FOXK1: variants seen among roughly 807,000 people sequenced by gnomAD.
FOXK1 encodes forkhead box protein K1.
Under a neutral mutation model 51.9 loss-of-function variants are expected in FOXK1, and 19 were observed. That is an observed-to-expected ratio of 0.37 (90% CI 0.26 to 0.54). The LOEUF (loss-of-function observed/expected upper bound fraction) is 0.54. Ranked by LOEUF, FOXK1 falls within the 20% of genes least tolerant of loss-of-function variation. FOXK1 has a pLI of 0.87. For synonymous variants in FOXK1, 537 were observed against 482.6 expected (o/e 1.11, Z -1.48); for missense variants, 870 against 1,032.7 (o/e 0.84, Z 2.16).
Position 4,749,937 on chromosome 7 carries a change from C to T in FOXK1, c.747-4522C>T, listed in dbSNP as rs1780753529. Among the ~76,000 whole-genome samples, 1 of 152,248 alleles carries T rather than the reference C, an allele frequency of 6.6e-6. No homozygotes were observed. Among genetic ancestry groups the T allele is most frequent in the South Asian group, 2.1e-4 (1 of 4,832 alleles). On this transcript the variant is annotated intron_variant, in intron 2 of 8. Coordinates refer to ENST00000328914, the MANE Select transcript of FOXK1 (RefSeq NM_001037165.2). The surrounding 1 kb of genome is among the most constrained non-coding windows in gnomAD (Gnocchi z 6.0). ...TCCGTCCCTCTGCAGTCTCCCTGCA[C>T]TGGCATGTCCTGGGTGGTCCCAGTG...
At chr7:4,727,396 A>G (rs1039540837) in intron 1 of FOXK1, among the ~76,000 whole-genome samples, 19 of 151,704 alleles carry the variant, frequency 1.3e-4, no homozygotes, top group Admixed American at 3.3e-4. Context: ...GCTCATTGCA[A>G]CCTTCGCCTC....
chr7:4,713,499 TG>T (rs910946024), intron 1 of FOXK1, among the ~76,000 whole-genome samples: 1 of 146,144 alleles, frequency 6.8e-6, no homozygotes, highest in Non-Finnish European at 1.5e-5. Flanking sequence ...TTTTTTTTTT[TG>T]TTTTTTTTTT....
At chr7:4,691,749 A>G (rs1779893930) in intron 1 of FOXK1, among the ~76,000 whole-genome samples, 1 of 152,152 alleles carries the variant, frequency 6.6e-6, no homozygotes, top group Admixed American at 6.6e-5. Flanking sequence ...GAGGACGCTG[A>G]GCTCTGATCA....
chr7:4,736,737 A>G (rs932576659), intron 1 of FOXK1, among the ~76,000 whole-genome samples: 4 of 152,214 alleles, frequency 2.6e-5, no homozygotes, highest in African/African-American at 9.6e-5. Flanking sequence ...TGAACTGGAA[A>G]GCACCTTTGA....
At chr7:4,684,595 C>G (rs1483717932) in intron 1 of FOXK1, among the ~76,000 whole-genome samples, 1 of 152,156 alleles carries the variant, frequency 6.6e-6, no homozygotes, top group South Asian at 2.1e-4. Context: ...ACACTCTCTC[C>G]GTTTGGGGCC....
At position 4,762,299 on chromosome 7, in the gene FOXK1, G is replaced by A. The variant is rs111856572; in HGVS notation, c.2037G>A (p.Thr679=). 60 of 1,550,190 alleles carry A rather than the reference G, an allele frequency of 3.9e-5. No homozygotes were observed. Among genetic ancestry groups the A allele is most frequent in the African/African-American group, 1.6e-4 (12 of 73,010 alleles). ...AGCCAGCAGCAGCCGTCGCGGCCAC[G>A]GCCACCACCACCCCAGCCACTGCCA... ...PKEPAAAVAA[T]ATTTPATATT... The change falls in exon 9 of 9, where the codon ACG becomes ACA. Residue 679 remains threonine (T), a synonymous_variant. Coordinates refer to ENST00000328914, the MANE Select transcript of FOXK1 (RefSeq NM_001037165.2). The surrounding 1 kb of genome is among the most constrained non-coding windows in gnomAD (Gnocchi z 5.7).
chr7:4,699,041 C>T (rs184697759), intron 1 of FOXK1, among the ~76,000 whole-genome samples: 1 of 152,348 alleles, frequency 6.6e-6, no homozygotes, highest in East Asian at 1.9e-4. Flanking sequence ...TGCTTTGTCG[C>T]TTGCTGGGGC....
In FOXK1 at chr7:4,711,069, A is replaced by T. The variant is rs900531379; in HGVS notation, c.560+28201A>T. On this transcript the variant is annotated intron_variant, in intron 1 of 8. Transcript: ENST00000328914. This position sits in a 1 kb window ranked among gnomAD's most constrained non-coding sequence, Gnocchi z 6.3. ...GAACGCTTAGAGAAGATGGAGATGG[A>T]TGGAGACGGCTGTCCATCAGCTGTG... Among the ~76,000 whole-genome samples, 6 of 152,156 alleles carry T rather than the reference A, an allele frequency of 3.9e-5. No individual in the cohort carries two copies. The highest frequency in any genetic ancestry group is 1.4e-4 in the African/African-American group (6 of 41,440).
chr7:4,687,800 T>C (rs1053404845), intron 1 of FOXK1, among the ~76,000 whole-genome samples: 1 of 152,248 alleles, frequency 6.6e-6, no homozygotes, highest in Non-Finnish European at 1.5e-5. Context: ...CTGTTTGTGG[T>C]AACTTTGAGT....
At chr7:4,720,829 C>T (rs1311486032) in intron 1 of FOXK1, among the ~76,000 whole-genome samples, 1 of 151,822 alleles carries the variant, frequency 6.6e-6, no homozygotes, top group Non-Finnish European at 1.5e-5. Flanking sequence ...AGCGATTCTC[C>T]TGCCTCAGCC....
At chr7:4,759,262 TC>T (rs766226492) in intron 6 of FOXK1, 45 bp downstream of exon 6, 1 of 1,606,458 alleles carries the variant, frequency 6.2e-7, no homozygotes. Context: ...GGGGCGGGAC[TC>T]GTGGGGGTGC....
At chr7:4,717,682 G>A (rs978569701) in intron 1 of FOXK1, among the ~76,000 whole-genome samples, 4 of 152,128 alleles carry the variant, frequency 2.6e-5, no homozygotes, top group South Asian at 2.1e-4. Context: ...CTCACTGCCC[G>A]CCTGGTCCTG....
At position 4,703,582 on chromosome 7, in the gene FOXK1, G is replaced by T. The variant is rs970765794; in HGVS notation, c.560+20714G>T. Among the ~76,000 whole-genome samples the T allele has an allele frequency of 1.3e-5, 2 of 152,232 alleles. No individual in the cohort carries two copies. Among genetic ancestry groups the T allele is most frequent in the African/African-American group, 4.8e-5 (2 of 41,464 alleles). The stretch of plus-strand genomic sequence containing the variant: ...CTTGGGTACATTTTGCTCATCTTAG[G>T]GTTGGGGACAGAACATCATTAAGAA... On this transcript the variant is annotated intron_variant, in intron 1 of 8. Transcript: ENST00000328914. The surrounding 1 kb of genome is among the most constrained non-coding windows in gnomAD (Gnocchi z 5.6).
At position 4,753,118 on chromosome 7, in the gene FOXK1, G is replaced by A. The variant is rs117738251; in HGVS notation, c.747-1341G>A. On this transcript the variant is annotated intron_variant, in intron 2 of 8. Coordinates refer to ENST00000328914, the MANE Select transcript of FOXK1 (RefSeq NM_001037165.2). This position sits in a 1 kb window ranked among gnomAD's most constrained non-coding sequence, Gnocchi z 4.9. ...GAGAGAATGGGAATTCCAGATCAGA[G>A]TCCTTAACGTTCCATGTGGGTGACA... Among the ~76,000 whole-genome samples the A allele has an allele frequency of 5.2e-4, 79 of 152,292 alleles. 1 individual carries two copies. The East Asian group carries it at 0.01, about 20-fold the overall frequency.
chr7:4,721,277 T>C (rs545108500), intron 1 of FOXK1, among the ~76,000 whole-genome samples: 192 of 152,250 alleles, frequency 1.3e-3, no homozygotes, highest in African/African-American at 4.5e-3. Context: ...ACAGGGGCCT[T>C]GGAAACCCCC....
rs1173559488 is a variant in FOXK1, at chr7:4,747,689, C to CCA, written c.746+6674_746+6675dup. 2.0e-5 allele frequency among the ~76,000 whole-genome samples: 3 copies of CCA among 151,474 alleles called. No homozygotes were observed. Among genetic ancestry groups the CCA allele is most frequent in the Non-Finnish European group, 4.4e-5 (3 of 67,916 alleles). ...TAGCTAGGACTACAGGCACCCACCA[C>CCA]CACACACACCCAGCTCATTTTTTAT... On this transcript the variant is annotated intron_variant, in intron 2 of 8. Coordinates refer to ENST00000328914, the MANE Select transcript of FOXK1 (RefSeq NM_001037165.2). The surrounding 1 kb of genome is among the most constrained non-coding windows in gnomAD (Gnocchi z 9.2).
At chr7:4,698,248 T>A (rs1287073497) in intron 1 of FOXK1, among the ~76,000 whole-genome samples, 1 of 152,164 alleles carries the variant, frequency 6.6e-6, no homozygotes, top group Non-Finnish European at 1.5e-5. Context: ...TGCTCTGCCA[T>A]GTTTAGCGTT....
chr7:4,727,689 C>T (rs1366459614), intron 1 of FOXK1, among the ~76,000 whole-genome samples: 1 of 152,240 alleles, frequency 6.6e-6, no homozygotes, highest in African/African-American at 2.4e-5. Flanking sequence ...GCTGTCCGTC[C>T]CTGCGGCAGA....
At chr7:4,719,395 C>G (rs1369320000) in intron 1 of FOXK1, among the ~76,000 whole-genome samples, 3 of 152,208 alleles carry the variant, frequency 2.0e-5, no homozygotes, top group Admixed American at 6.5e-5. Flanking sequence ...CCGCCTCTGC[C>G]TCCCAACGTG....
Sources: allele counts gnomAD v4.1 joint callset (sites outside exome capture counted in the v4.1 genomes callset), GRCh38; gene constraint gnomAD v4.1.1; non-coding constraint Gnocchi (gnomAD v3.1); transcripts MANE v1.5; gene names NCBI Gene and HGNC (gene_info 2026-07-23, HGNC 2026-07-21).